The following DNAH9 variants were observed in gnomAD, a reference collection of about 807,000 sequenced individuals.
DNAH9 encodes DNAH9 variant protein.
A neutral mutation model predicts 471.6 loss-of-function variants in DNAH9; 345 were observed. The observed-to-expected ratio is 0.73, with a 90% CI of 0.67 to 0.80. The LOEUF is 0.80. Ranked by LOEUF, DNAH9 falls within the 30% of genes least tolerant of loss-of-function variation. The probability of loss-of-function intolerance (pLI) is 0.00; values close to 1 mark genes in which losing one functional copy is unlikely to be tolerated. For synonymous variants in DNAH9, 2,093 were observed against 2,123.6 expected (o/e 0.99, Z 0.40); for missense variants, 5,407 against 5,609.2 (o/e 0.96, Z 1.15).
intron 59 of DNAH9, among the ~76,000 whole-genome samples, chr17:11,901,395 T>TAAAACACAC (rs1167033093): frequency 6.6e-6 from 1 of 152,082 alleles, no homozygotes; most frequent in Non-Finnish European, 1.5e-5. Context: ...GGACCACACA[T>TAAAACACAC]AAAACACACT....
At chr17:11,882,958 G>A (rs553629331) in intron 55 of DNAH9, 42 of 985,546 alleles carry the variant, frequency 4.3e-5, no homozygotes, top group African/African-American at 1.4e-4. Flanking sequence ...CCAACAGGAA[G>A]GTTGTTCTTC....
At chr17:11,733,809 C>T (rs994494176) in intron 28 of DNAH9, among the ~76,000 whole-genome samples, 3 of 138,696 alleles carry the variant, frequency 2.2e-5, no homozygotes, top group Non-Finnish European at 3.0e-5. Context: ...TGCAGTGAGC[C>T]GAGATCGTGC....
At chr17:11,884,508 C>A (rs768819423) in intron 56 of DNAH9, 1 of 454,210 alleles carries the variant, frequency 2.2e-6, no homozygotes, top group Non-Finnish European at 4.4e-6. Context: ...GAACAATATA[C>A]CTTTGACGGA....
chr17:11,964,857 C>A (rs1452738076), intron 68 of DNAH9, among the ~76,000 whole-genome samples: 1 of 152,050 alleles, frequency 6.6e-6, no homozygotes, highest in Non-Finnish European at 1.5e-5. Context: ...GTTCCCCACC[C>A]CCCCACAAAA....
chr17:11,740,993 A>T (rs985989532), intron 29 of DNAH9, among the ~76,000 whole-genome samples: 2 of 150,412 alleles, frequency 1.3e-5, no homozygotes. Context: ...CTTTGTCATT[A>T]TATAATTTAC....
At position 11,745,097 on chromosome 17, in the gene DNAH9, T is replaced by C. The variant is rs764225154; in HGVS notation, c.6399+13T>C. On this transcript the variant is annotated intron_variant, in intron 31 of 68. Transcript: ENST00000262442. ...CTTTGTGCTCAAGGTACATGTGGTTTTTCCTCCCAGGATTTCTCTATCTCT... is the reference window on the plus strand; with the variant it reads ...CTTTGTGCTCAAGGTACATGTGGTTCTTCCTCCCAGGATTTCTCTATCTCT... 1.3e-6 allele frequency: 2 copies of C among 1,599,706 alleles called. No individual in the cohort carries two copies.
chr17:11,617,648 A>G, intron 5 of DNAH9, 26 bp downstream of exon 5: 1 of 1,563,460 alleles, frequency 6.4e-7, no homozygotes, highest in South Asian at 1.1e-5. Context: ...ATGCCCAGCA[A>G]CTGCTCCCTG....
Position 11,669,540 on chromosome 17 carries a change from C to T in DNAH9, c.3099C>T (p.His1033=). 1 of 1,614,140 alleles carries T rather than the reference C, an allele frequency of 6.2e-7. No homozygotes were observed. Among genetic ancestry groups the T allele is most frequent in the South Asian group, 1.1e-5 (1 of 91,086 alleles). ...EVLGQFLLYG[H]ILTPEEIEDH... ...TGGGTCAGTTTCTGCTGTACGGGCA[C>T]ATCCTCACTCCGGAAGAAATTGAAG... Residue 1033 remains histidine (H), a synonymous_variant, in exon 17 of 69, where the codon CAC becomes CAT. Transcript: ENST00000262442.
chr17:11,831,627 A>G (rs2150950782), intron 48 of DNAH9, among the ~76,000 whole-genome samples: 1 of 152,266 alleles, frequency 6.6e-6, no homozygotes, highest in East Asian at 1.9e-4. Flanking sequence ...TTCTATGGCA[A>G]CCAGTGATGC....
intron 67 of DNAH9, among the ~76,000 whole-genome samples, chr17:11,947,342 A>G (rs2151437379): frequency 6.6e-6 from 1 of 152,360 alleles, no homozygotes; most frequent in Admixed American, 6.5e-5. Context: ...TATACTGACA[A>G]CAGACTGCCC....
rs764276424 is a variant in DNAH9 at position 11,745,009 on chromosome 17, C to T, written c.6324C>T (p.Asp2108=). 1.1e-5 allele frequency: 17 copies of T among 1,614,114 alleles called. No homozygotes were observed. Among genetic ancestry groups the T allele is most frequent in the Non-Finnish European group, 1.4e-5 (17 of 1,179,978 alleles). The change falls in exon 31 of 69, where the codon GAC becomes GAT. Residue 2108 remains aspartate (D), a synonymous_variant. Transcript: ENST00000262442. ...FPALDVPRRR[D]PNFEALVRKA... ...CCCTGGATGTCCCCCGGAGGAGAGACCCCAACTTCGAAGCTTTGGTTAGGA... is the reference window on the plus strand; with the variant it reads ...CCCTGGATGTCCCCCGGAGGAGAGATCCCAACTTCGAAGCTTTGGTTAGGA...
chr17:11,812,008 AAAAAAAAAAAAAAAAAAAATAT>A (rs1567819031), intron 45 of DNAH9, among the ~76,000 whole-genome samples: 5 of 54,060 alleles, frequency 9.2e-5, no homozygotes, highest in Non-Finnish European at 1.7e-4. Context: ...AAAAAAAAAA[AAAAAAAAAAAAAAAAAAAATAT>A]ATATATATAT....
chr17:11,695,190 C>A (rs944314554), intron 22 of DNAH9, among the ~76,000 whole-genome samples: 5 of 151,938 alleles, frequency 3.3e-5, no homozygotes, highest in African/African-American at 1.2e-4. Flanking sequence ...ACCCGGCCAC[C>A]TCGGAGCTTT....
chr17:11,646,225 G>A (rs1385881478), intron 11 of DNAH9, among the ~76,000 whole-genome samples: 1 of 151,720 alleles, frequency 6.6e-6, no homozygotes. Context: ...CTCCATGTTG[G>A]TCAGGCTGGT....
intron 14 of DNAH9, among the ~76,000 whole-genome samples, chr17:11,653,550 G>A (rs1351822866): frequency 6.6e-6 from 1 of 152,152 alleles, no homozygotes; most frequent in Non-Finnish European, 1.5e-5. Context: ...GCTTCCTTGT[G>A]AACAATGGGA....
intron 34 of DNAH9, 65 bp from the exon 35 acceptor site, chr17:11,757,480 C>T: frequency 7.1e-7 from 1 of 1,413,490 alleles, no homozygotes; most frequent in Non-Finnish European, 9.8e-7. Context: ...AAAATAACTC[C>T]CTGGGGTGAA....
chr17:11,669,923 G>A (rs899515616), intron 17 of DNAH9, 129 bp downstream of exon 17: 2 of 814,398 alleles, frequency 2.5e-6, no homozygotes, highest in African/African-American at 3.4e-5. Flanking sequence ...CTGGTTAGAG[G>A]TTCTAGGCTT....
chr17:11,880,684 C>T (rs1225595899), intron 54 of DNAH9, among the ~76,000 whole-genome samples: 2 of 152,010 alleles, frequency 1.3e-5, no homozygotes, highest in African/African-American at 2.4e-5. Flanking sequence ...GCAATGGGTT[C>T]GTATGAAGGG....
At chr17:11,637,112 A>T (rs2073180560) in intron 9 of DNAH9, among the ~76,000 whole-genome samples, 1 of 152,186 alleles carries the variant, frequency 6.6e-6, no homozygotes, top group Non-Finnish European at 1.5e-5. Flanking sequence ...ACACGCCTCC[A>T]TTCGAAAATA....
Sources: gnomAD v4.1 joint callset for allele counts (sites outside exome capture counted in the v4.1 genomes callset) on GRCh38, gnomAD v4.1.1 for gene constraint, MANE v1.5 for transcripts, NCBI Gene and HGNC (gene_info 2026-07-23, HGNC 2026-07-21) for gene names.